HDHD5: variants seen among roughly 807,000 people sequenced by gnomAD.
The protein encoded by HDHD5 is haloacid dehalogenase like hydrolase domain containing 5, also known as haloacid dehalogenase-like hydrolase domain-containing 5.
A neutral mutation model predicts 35.5 loss-of-function variants in HDHD5; 34 were observed. The ratio of observed to expected loss-of-function variants is 0.96; its 90% CI spans 0.73 to 1.28. The LOEUF (loss-of-function observed/expected upper bound fraction) is 1.28. Among genes scored for constraint, HDHD5 ranks in the 50% most tolerant of loss-of-function variants. The probability of loss-of-function intolerance (pLI) is 0.00; values close to 1 mark genes in which losing one functional copy is unlikely to be tolerated. For missense variants in HDHD5, 589 were observed against 560.2 expected, an observed-to-expected ratio of 1.05 and a Z score of -0.52; for synonymous variants, 248 against 240.6, an observed-to-expected ratio of 1.03 and a Z score of -0.29.
At position 17,159,211 on chromosome 22, in the gene HDHD5, C is replaced by G; in HGVS notation, c.41G>C (p.Arg14Pro). Reference sequence around the variant, plus strand: ...GCGCGCCGCCCGCCAGCAAAGCCCACGCGCCGCGCCGAGCGCAGCCACACA... The same window carrying G: ...GCGCGCCGCCCGCCAGCAAAGCCCAGGCGCCGCGCCGAGCGCAGCCACACA... ...WGCVAALGAA[R>P]GLCWRAARAA... Residue 14 changes from arginine (R) to proline (P), a missense_variant, in exon 1 of 8, where the codon CGT becomes CCT. Physicochemically the swap from Arg to Pro is moderately radical, Grantham distance 103. Coordinates refer to ENST00000336737, the MANE Select transcript of HDHD5 (RefSeq NM_033070.3). 8.3e-7 allele frequency: 1 copy of G among 1,210,072 alleles called. No individual in the cohort carries two copies. 75.0% of individuals were successfully genotyped at this position (1,210,072 alleles called of 1,614,324 possible).
At chr22:17,138,873 A>G in intron 6 of HDHD5, 135 bp from the exon 7 acceptor site, 1 of 868,466 alleles carries the variant, frequency 1.2e-6, no homozygotes, top group Non-Finnish European at 1.8e-6. Flanking sequence ...TGTAGCAGAC[A>G]CTGTGCAGGC....
upstream of HDHD5, chr22:17,159,406 C>G (rs1223706603): frequency 1.2e-6 from 1 of 834,704 alleles, no homozygotes; most frequent in Non-Finnish European, 1.8e-6. Context: ...GAACTCGACC[C>G]GCAGGCCAAA....
chr22:17,158,214 G>A (rs1371428423), intron 1 of HDHD5, among the ~76,000 whole-genome samples: 2 of 152,028 alleles, frequency 1.3e-5, no homozygotes, highest in African/African-American at 2.4e-5. Flanking sequence ...CCAGCTACTC[G>A]GGAGGCTGAG....
chr22:17,157,476 C>CG (rs1266122195), intron 1 of HDHD5, among the ~76,000 whole-genome samples: 3 of 152,086 alleles, frequency 2.0e-5, no homozygotes, highest in Non-Finnish European at 4.4e-5. Context: ...TTAAGTGAAG[C>CG]CGCTAACAGA....
upstream of HDHD5, among the ~76,000 whole-genome samples, chr22:17,161,664 G>A (rs1319029742): frequency 1.3e-5 from 2 of 151,492 alleles, no homozygotes; most frequent in African/African-American, 4.9e-5. Context: ...GTCCAGGAAT[G>A]CCAGACCAGC....
chr22:17,145,226 CAGG>C, intron 3 of HDHD5, 109 bp from the exon 4 acceptor site: 2 of 1,528,872 alleles, frequency 1.3e-6, no homozygotes, highest in African/African-American at 2.7e-5. Context: ...TCAAGCCAGG[CAGG>C]AGGGCACCAA....
At chr22:17,144,062 G>A (rs763463306) in intron 4 of HDHD5, among the ~76,000 whole-genome samples, 14 of 152,188 alleles carry the variant, frequency 9.2e-5, no homozygotes, top group African/African-American at 2.4e-4. Flanking sequence ...TACCTCTCCC[G>A]AGGGCAGCTC....
At chr22:17,146,234 C>A (rs1472486813) in intron 3 of HDHD5, among the ~76,000 whole-genome samples, 1 of 152,102 alleles carries the variant, frequency 6.6e-6, no homozygotes, top group Non-Finnish European at 1.5e-5. Flanking sequence ...CTCCGCTGTA[C>A]CCCTCCAAGA....
In HDHD5 at chr22:17,138,430, G is replaced by A. The variant is rs764166340; in HGVS notation, c.936-73C>T. On this transcript the variant is annotated intron_variant, in intron 7 of 7. Transcript: ENST00000336737. ...AAATCAATGTTGCAAAGCAAAGGGA[G>A]CAGAGAAGAGTTTCGGGGCAGAAGA... 2.7e-5 allele frequency: 42 copies of A among 1,559,898 alleles called. No individual in the cohort carries two copies. In the Middle Eastern group the frequency reaches 5.2e-4, roughly 19 times the overall value.
chr22:17,160,110 T>C (rs1439546743), upstream of HDHD5, among the ~76,000 whole-genome samples: 1 of 152,196 alleles, frequency 6.6e-6, no homozygotes, highest in Non-Finnish European at 1.5e-5. Context: ...TGCCCTCAGA[T>C]TCTTTGGCCC....
rs2061598823 is a variant in HDHD5 at position 17,141,274 on chromosome 22, T to C, written c.572-41A>G. ...GCGCAGGTGAGGGCTGCAGGGCAGA[T>C]GGCAGGCGGCAGGCCCTCAGGATGC... On this transcript the variant is annotated intron_variant, in intron 5 of 7. Transcript: ENST00000336737. The C allele has an allele frequency of 9.0e-6, 14 of 1,553,752 alleles. No homozygotes were observed. The South Asian group carries it at 1.3e-4, about 15-fold the overall frequency.
At chr22:17,154,649 G>T (rs1325280761) in intron 1 of HDHD5, among the ~76,000 whole-genome samples, 2 of 149,596 alleles carry the variant, frequency 1.3e-5, no homozygotes, top group African/African-American at 2.5e-5. Context: ...GACAAGACAG[G>T]GTCGCACTCT....
At position 17,145,072 on chromosome 22, in the gene HDHD5, G is replaced by C. The variant is rs1297970720; in HGVS notation, c.489C>G (p.Ala163=). ...NVVTVDELRM[A]FPLLDMVDLE... The stretch of plus-strand genomic sequence containing the variant: ...GGTCCACCATGTCAAGCAGAGGAAA[G>C]GCCATCCGCAGCTCATCCACGGTGA... Residue 163 remains alanine (A), a synonymous_variant, in exon 4 of 8, where the codon GCC becomes GCG. Coordinates refer to ENST00000336737, the MANE Select transcript of HDHD5 (RefSeq NM_033070.3). The C allele has an allele frequency of 6.2e-7, 1 of 1,614,010 alleles. No homozygotes were observed. Among genetic ancestry groups the C allele is most frequent in the Admixed American group, 1.7e-5 (1 of 59,984 alleles).
intron 3 of HDHD5, 183 bp from the exon 4 acceptor site, chr22:17,145,300 C>T (rs1321912536): frequency 9.0e-6 from 5 of 557,256 alleles, no homozygotes; most frequent in Non-Finnish European, 1.1e-5. Context: ...TGTAACTGCA[C>T]AGGTAGAGTA....
At chr22:17,160,074 A>G (rs947500037), upstream of HDHD5, among the ~76,000 whole-genome samples, 45 of 152,212 alleles carry the variant, frequency 3.0e-4, no homozygotes, top group African/African-American at 1.1e-3. Context: ...AGAGGTCTCC[A>G]TTCCCACCGT....
Position 17,138,544 on chromosome 22 carries a change from G to A in HDHD5, c.935+6C>T. 1 of 1,613,260 alleles carries A rather than the reference G, an allele frequency of 6.2e-7. No individual in the cohort carries two copies. Among genetic ancestry groups the A allele is most frequent in the Non-Finnish European group, 8.5e-7 (1 of 1,179,466 alleles). Reference sequence around the variant, plus strand: ...AAAGGGACAAAGGAGGGAGAGCAGAGCCTACCCCACAGCATAGAGCTTCCG... The same window carrying A: ...AAAGGGACAAAGGAGGGAGAGCAGAACCTACCCCACAGCATAGAGCTTCCG... On this transcript the variant is annotated splice_donor_region_variant and intron_variant, in intron 7 of 7. Transcript: ENST00000336737.
intron 1 of HDHD5, among the ~76,000 whole-genome samples, chr22:17,164,937 C>T (rs1568957774): frequency 6.6e-6 from 1 of 152,156 alleles, no homozygotes; most frequent in African/African-American, 2.4e-5. Flanking sequence ...GGCCAACAGG[C>T]CACAGAGAGA....
chr22:17,159,450 C>G (rs552521401), upstream of HDHD5: 1 of 578,330 alleles, frequency 1.7e-6, no homozygotes, highest in Non-Finnish European at 3.0e-6. Context: ...TGCGGGGTCC[C>G]GCCGCCTCCT....
At chr22:17,157,085 TAC>T (rs58807817) in intron 1 of HDHD5, among the ~76,000 whole-genome samples, 70 of 143,774 alleles carry the variant, frequency 4.9e-4, no homozygotes, top group Middle Eastern at 3.5e-3. Flanking sequence ...CTCACACACA[TAC>T]ACACACACAC....
Sources: gnomAD v4.1 joint callset for allele counts (sites outside exome capture counted in the v4.1 genomes callset) on GRCh38, gnomAD v4.1.1 for gene constraint, MANE v1.5 for transcripts, NCBI Gene and HGNC (gene_info 2026-07-23, HGNC 2026-07-21) for gene names.